The following ACOT9 variants were observed in gnomAD, a reference collection of about 807,000 sequenced individuals.
The protein encoded by ACOT9 is acyl-coenzyme A thioesterase 9, mitochondrial.
ACOT9 carries 34 observed loss-of-function variants against 39.7 expected under a neutral mutation model. That is an observed-to-expected ratio of 0.86 (90% CI 0.65 to 1.14). The LOEUF (loss-of-function observed/expected upper bound fraction) is 1.14. Among genes scored for constraint, ACOT9 ranks in the 50% most tolerant of loss-of-function variants. The pLI, the probability that ACOT9 is intolerant of heterozygous loss-of-function variation, is 0.00. For synonymous variants in ACOT9, 110 were observed against 120.5 expected (o/e 0.91, Z 0.57); for missense variants, 313 against 344.1 (o/e 0.91, Z 0.71).
chrX:23,705,992 C>A (rs1928666863), intron 11 of ACOT9, 134 bp from the exon 12 acceptor site: 1 of 519,629 alleles, frequency 1.9e-6, no homozygotes, highest in East Asian at 3.6e-5. Flanking sequence ...AGGCCAGGCG[C>A]GGTGGCTCAC....
At position 23,703,933 on chromosome X, in the gene ACOT9, G is replaced by A; in HGVS notation, c.1308C>T (p.Gly436=). The change falls in exon 16 of 16, where the codon GGC becomes GGT. Residue 436 remains glycine (G), a synonymous_variant. Coordinates refer to ENST00000379303, the MANE Select transcript of ACOT9 (RefSeq NM_001037171.2). ...GGTAGTCCTTTCTCAAGGTCGCTGG[G>A]CCACTCATGGAGTTGAAATGCCGCT... The part of the protein sequence containing the change: ...DGQRHFNSMS[G]PATLRKDYLV... 1 of 1,211,214 alleles carries A rather than the reference G, an allele frequency of 8.3e-7. No individual in the cohort carries two copies. Among genetic ancestry groups the A allele is most frequent in the Non-Finnish European group, 1.1e-6 (1 of 895,145 alleles).
At position 23,707,992 on chromosome X, in the gene ACOT9, A is replaced by C. The variant is rs200265992; in HGVS notation, c.663-48T>G. The C allele has an allele frequency of 8.6e-4, 911 of 1,062,846 alleles. 1 individual carries two copies. Among genetic ancestry groups the C allele is most frequent in the Non-Finnish European group, 1.1e-3 (821 of 780,856 alleles). 87.6% of individuals were successfully genotyped at this position (1,062,846 alleles called of 1,213,427 possible). A position where few individuals can be genotyped will look rare whatever the true frequency, so the allele number is the denominator to read the frequency against. Reference sequence around the variant, plus strand: ...TATAATTTAAGATATGCCATTATCTAATAAAACTTGAAGATGAACAATCAC... The same window carrying C: ...TATAATTTAAGATATGCCATTATCTCATAAAACTTGAAGATGAACAATCAC... On this transcript the variant is annotated intron_variant, in intron 9 of 15. Transcript: ENST00000379303.
intron 8 of ACOT9, among the ~76,000 whole-genome samples, chrX:23,720,566 G>A (rs1040360872): frequency 1.8e-5 from 2 of 111,400 alleles, no homozygotes; most frequent in Non-Finnish European, 3.8e-5. Context: ...TGCTACAGCT[G>A]GAAGCCAAGG....
chrX:23,704,661 C>A (rs1451754983), intron 15 of ACOT9, 33 bp downstream of exon 15: 1 of 1,195,955 alleles, frequency 8.4e-7, no homozygotes. Context: ...AAGTTCTTCC[C>A]TTTGTTAGGG....
At chrX:23,705,177 C>T (rs777971502) in intron 13 of ACOT9, 97 bp from the exon 14 acceptor site, 176 of 788,112 alleles carry the variant, frequency 2.2e-4, no homozygotes, top group Middle Eastern at 1.2e-3. Context: ...TAAAAATGAA[C>T]GAAGAATAAA....
chrX:23,741,355 A>G (rs1408942474), intron 1 of ACOT9, among the ~76,000 whole-genome samples: 27 of 102,005 alleles, frequency 2.6e-4, no homozygotes, highest in African/African-American at 9.3e-4. Flanking sequence ...TTTCAAAGAG[A>G]AAAAAAAAAA....
At chrX:23,736,126 G>T in intron 1 of ACOT9, 110 bp from the exon 2 acceptor site, 1 of 511,130 alleles carries the variant, frequency 2.0e-6, no homozygotes, top group Non-Finnish European at 3.1e-6. Context: ...AGTATATATT[G>T]TCTTGTAGGA....
chrX:23,717,458 G>A (rs1004194017), intron 8 of ACOT9, among the ~76,000 whole-genome samples: 1 of 111,622 alleles, frequency 9.0e-6, no homozygotes, highest in African/African-American at 3.3e-5. Context: ...ATTAAAAGAC[G>A]GTTAAGGCAC....
chrX:23,724,753 C>A lies in ACOT9; in HGVS notation c.401-2000G>T, dbSNP rs112062835. Among the ~76,000 whole-genome samples the A allele has an allele frequency of 6.9e-3, 751 of 109,140 alleles. 8 individuals carry two copies. The highest frequency in any genetic ancestry group is 0.024 in the African/African-American group (706 of 29,854). 94.8% of individuals were successfully genotyped at this position (109,140 alleles called of 115,157 possible). A position where few individuals can be genotyped will look rare whatever the true frequency, so the allele number is the denominator to read the frequency against. On this transcript the variant is annotated intron_variant, in intron 6 of 15. Transcript: ENST00000379303. ...CACCACTGGACTCCACCCTGGGTGA[C>A]AGAGCAAGACCCTATTCCAAAAAAA...
rs1741509523 is a variant in ACOT9, at chrX:23,743,275, G to T, written c.-131C>A. The stretch of plus-strand genomic sequence containing the variant: ...CTGAGGACAGCCCGGGAGCCGGACA[G>T]CGGTGTCCGGGGGCGGGACCGCGGC... On this transcript the variant is annotated 5_prime_UTR_variant, in exon 1 of 16. The change creates a new upstream start codon in the 5' untranslated region. Transcript: ENST00000379303. The T allele has an allele frequency of 2.0e-5, 17 of 839,103 alleles. No individual in the cohort carries two copies. The highest frequency in any genetic ancestry group is 1.3e-4 in the Admixed American group (3 of 22,842). The allele number at this position is 839,103 out of a possible 1,213,427, so 69.2% of individuals were successfully genotyped here.
intron 1 of ACOT9, among the ~76,000 whole-genome samples, chrX:23,737,397 A>T (rs1234285560): frequency 8.9e-6 from 1 of 112,057 alleles, no homozygotes; most frequent in East Asian, 2.8e-4. Flanking sequence ...ATTTACTAGT[A>T]AATTCTCACC....
intron 8 of ACOT9, among the ~76,000 whole-genome samples, chrX:23,714,973 G>T (rs1929028670): frequency 9.0e-6 from 1 of 111,249 alleles, no homozygotes; most frequent in South Asian, 3.8e-4. Context: ...ATACCATAAA[G>T]TAATGACAGA....
At chrX:23,718,428 T>G (rs1929156167) in intron 8 of ACOT9, among the ~76,000 whole-genome samples, 1 of 111,994 alleles carries the variant, frequency 8.9e-6, no homozygotes, top group African/African-American at 3.2e-5. Context: ...AAAACAAAAG[T>G]GTTTACTTGT....
intron 7 of ACOT9, among the ~76,000 whole-genome samples, 169 bp from the exon 8 acceptor site, chrX:23,722,153 T>C (rs960126191): frequency 1.8e-5 from 2 of 112,293 alleles, no homozygotes; most frequent in African/African-American, 6.5e-5. Flanking sequence ...TTGAAAAATG[T>C]AGAAAAAGCA....
intron 6 of ACOT9, among the ~76,000 whole-genome samples, chrX:23,727,109 C>T (rs1241499652): frequency 8.9e-6 from 1 of 112,172 alleles, no homozygotes; most frequent in East Asian, 2.8e-4. Flanking sequence ...CGTAAGCCAC[C>T]CTGCCCGGCC....
In ACOT9 at chrX:23,705,564, C is replaced by T. The variant is rs1393408320; in HGVS notation, c.964G>A (p.Gly322Ser). 3.3e-6 allele frequency: 4 copies of T among 1,210,500 alleles called. No individual in the cohort carries two copies. The highest frequency in any genetic ancestry group is 3.4e-6 in the Non-Finnish European group (3 of 894,900). ...TCATATGCCTTCCTCATAAGGAAAC[C>T]ACCAAAGATCCGATTGAAAATGTTC... Reference protein sequence around the residue: ...ERNIFNRIFGGFLMRKAYELA... With the variant: ...ERNIFNRIFGSFLMRKAYELA... The change falls in exon 13 of 16, where the codon GGT becomes AGT. Residue 322 changes from glycine to serine, a missense_variant. By Grantham distance (56) the Gly-to-Ser change is moderately conservative. Coordinates refer to ENST00000379303, the MANE Select transcript of ACOT9 (RefSeq NM_001037171.2).
intron 6 of ACOT9, among the ~76,000 whole-genome samples, chrX:23,726,929 C>T (rs985106111): frequency 1.8e-5 from 2 of 112,055 alleles, no homozygotes; most frequent in African/African-American, 3.2e-5. Context: ...AAGCGATTCT[C>T]GTGCCTCAGC....
At chrX:23,706,809 G>T in intron 10 of ACOT9, 70 bp from the exon 11 acceptor site, 1 of 617,916 alleles carries the variant, frequency 1.6e-6, no homozygotes, top group Non-Finnish European at 2.5e-6. Flanking sequence ...TCTGACCTGG[G>T]ATGCCTTTCA....
intron 4 of ACOT9, 39 bp downstream of exon 4, chrX:23,733,133 T>C (rs1271711516): frequency 8.5e-7 from 1 of 1,178,616 alleles, no homozygotes; most frequent in African/African-American, 1.8e-5. Context: ...GTATAATACC[T>C]TGGGGATGAA....
Sources: gnomAD v4.1 joint callset for allele counts (sites outside exome capture counted in the v4.1 genomes callset) on GRCh38, gnomAD v4.1.1 for gene constraint, MANE v1.5 for transcripts, NCBI Gene and HGNC (gene_info 2026-07-23, HGNC 2026-07-21) for gene names.